Variants in NUCKS1 observed in about 807,000 individuals in gnomAD.
NUCKS1 encodes the protein nuclear ubiquitous casein and cyclin-dependent kinase substrate 1.
NUCKS1 carries 2 observed loss-of-function variants against 33.0 expected under a neutral mutation model. The ratio of observed to expected loss-of-function variants is 0.06; its 90% CI spans 0.02 to 0.19. The LOEUF is 0.19. NUCKS1 is among the 10% of genes least tolerant of loss of function. NUCKS1 has a pLI of 1.00. For missense variants in NUCKS1, 201 were observed against 293.6 expected (o/e 0.68, Z 2.31); for synonymous variants, 106 against 102.8 (o/e 1.03, Z -0.19).
At chr1:205,719,376 C>T (rs1191718039) in intron 6 of NUCKS1, 151 bp downstream of exon 6, 4 of 732,794 alleles carry the variant, frequency 5.5e-6, no homozygotes, top group Non-Finnish European at 6.6e-6. Flanking sequence ...GAGATACTTC[C>T]AGTTGCAGAA....
chr1:205,743,276 A>G (rs1175708225), intron 1 of NUCKS1, among the ~76,000 whole-genome samples: 1 of 152,196 alleles, frequency 6.6e-6, no homozygotes, highest in Non-Finnish European at 1.5e-5. Flanking sequence ...CCAGTGAGAA[A>G]AAGTTTTGAA....
At chr1:205,740,402 T>C (rs989355041) in intron 1 of NUCKS1, among the ~76,000 whole-genome samples, 3 of 152,008 alleles carry the variant, frequency 2.0e-5, no homozygotes, top group Admixed American at 2.0e-4. Context: ...CAGGATTGCT[T>C]GAGTCCCAGG....
intron 3 of NUCKS1, among the ~76,000 whole-genome samples, chr1:205,725,506 T>C (rs2102433982): frequency 1.3e-5 from 2 of 152,340 alleles, no homozygotes; most frequent in Middle Eastern, 3.4e-3. Context: ...GACTGTTCTG[T>C]ATAAATGTTT....
At chr1:205,724,048 TC>T (rs1345562957) in intron 3 of NUCKS1, 67 bp from the exon 4 acceptor site, 1 of 1,126,066 alleles carries the variant, frequency 8.9e-7, no homozygotes, top group Admixed American at 1.7e-5. Flanking sequence ...AACATAGATC[TC>T]TGATTTCTGA....
intron 3 of NUCKS1, 111 bp from the exon 4 acceptor site, chr1:205,724,092 T>A (rs1671964783): frequency 3.6e-6 from 3 of 826,446 alleles, no homozygotes; most frequent in African/African-American, 1.7e-5. Flanking sequence ...CTCTTCTATA[T>A]AAAATCTTCA....
At chr1:205,724,066 A>T (rs1671964384) in intron 3 of NUCKS1, 85 bp from the exon 4 acceptor site, 4 of 990,436 alleles carry the variant, frequency 4.0e-6, no homozygotes, top group Non-Finnish European at 6.5e-6. Context: ...CTGACTTGAG[A>T]AGAAGTGAAA....
chr1:205,742,951 G>C (rs908860010), intron 1 of NUCKS1, among the ~76,000 whole-genome samples: 29 of 152,308 alleles, frequency 1.9e-4, no homozygotes, highest in African/African-American at 5.3e-4. Flanking sequence ...TCTGAATTTA[G>C]AGTAATACGG....
rs752476044 is a variant in NUCKS1 at position 205,717,496 on chromosome 1, C to CT, written c.*783dup. 68,674 of 943,958 alleles carry CT rather than the reference C, an allele frequency of 0.073. 284 individuals carry two copies. The highest frequency in any genetic ancestry group is 0.078 in the Non-Finnish European group (62,962 of 802,814). The allele number at this position is 943,958 out of a possible 1,614,324, so 58.5% of individuals were successfully genotyped here. On this transcript the variant is annotated 3_prime_UTR_variant, in exon 7 of 7. Coordinates refer to ENST00000367142, the MANE Select transcript of NUCKS1 (RefSeq NM_022731.5). ...AAATCAAGAGTTTTGGCAGCCCCTGCTTTTTTTTTTTTTTTAGCTCCCTAA... is the reference window on the plus strand; with the variant it reads ...AAATCAAGAGTTTTGGCAGCCCCTGCTTTTTTTTTTTTTTTTAGCTCCCTAA...
In NUCKS1 at chr1:205,714,351, C is replaced by T. The variant is rs900209901; in HGVS notation, c.*3929G>A. On this transcript the variant is annotated 3_prime_UTR_variant, in exon 7 of 7. Transcript: ENST00000367142. ...CCTGATGTACAAAGTGTATGCACAA[C>T]GGTGGCATTCTACCAGCCACACAAA... is the stretch of plus-strand genomic sequence containing the variant. 3 of 152,100 alleles carry T rather than the reference C, an allele frequency of 2.0e-5. No individual in the cohort carries two copies. Among genetic ancestry groups the T allele is most frequent in the African/African-American group, 4.8e-5 (2 of 41,390 alleles). 9.4% of individuals were successfully genotyped at this position (152,100 alleles called of 1,614,324 possible). A position where few individuals can be genotyped will look rare whatever the true frequency, so the allele number is the denominator to read the frequency against.
chr1:205,725,426 A>AG (rs1311734486), intron 3 of NUCKS1, among the ~76,000 whole-genome samples: 1 of 152,226 alleles, frequency 6.6e-6, no homozygotes, highest in Non-Finnish European at 1.5e-5. Flanking sequence ...TCCTAAGCAA[A>AG]GAGAATGACC....
intron 3 of NUCKS1, among the ~76,000 whole-genome samples, chr1:205,724,473 T>C (rs823108): frequency 0.88 from 133,764 of 152,220 alleles, 59,776 homozygotes; most frequent in Non-Finnish European, 0.97. Context: ...GTAGGCAGAT[T>C]GCTGGAGGCC....
chr1:205,746,444 CTCTCTCT>C (rs1486245447), intron 1 of NUCKS1, among the ~76,000 whole-genome samples: 4 of 46,612 alleles, frequency 8.6e-5, no homozygotes, highest in Non-Finnish European at 2.6e-4. Context: ...ACTTCTCTCT[CTCTCTCT>C]CTCACACACA....
chr1:205,725,420 A>G (rs532137542), intron 3 of NUCKS1, among the ~76,000 whole-genome samples: 27 of 152,232 alleles, frequency 1.8e-4, no homozygotes, highest in Non-Finnish European at 3.2e-4. Context: ...CATGATTCCT[A>G]AGCAAAGAGA....
At chr1:205,735,724 G>T (rs1330010227) in intron 1 of NUCKS1, among the ~76,000 whole-genome samples, 1 of 152,108 alleles carries the variant, frequency 6.6e-6, no homozygotes, top group Non-Finnish European at 1.5e-5. Context: ...TTTGTGCAAG[G>T]TATATAAATA....
chr1:205,744,013 CA>C (rs2102448677), intron 1 of NUCKS1, among the ~76,000 whole-genome samples: 1 of 152,274 alleles, frequency 6.6e-6, no homozygotes, highest in Non-Finnish European at 1.5e-5. Context: ...TTTTTCTCGG[CA>C]AAGGTTCACA....
At chr1:205,722,201 G>A (rs1056874945) in intron 4 of NUCKS1, among the ~76,000 whole-genome samples, 6 of 151,888 alleles carry the variant, frequency 4.0e-5, no homozygotes, top group Non-Finnish European at 7.4e-5. Flanking sequence ...TCATCCTCCC[G>A]AGTAGCTAGG....
chr1:205,717,362 C>T lies in NUCKS1; in HGVS notation c.*918G>A, dbSNP rs1184972907. The T allele has an allele frequency of 2.0e-6, 2 of 986,104 alleles. No homozygotes were observed. The highest frequency in any genetic ancestry group is 3.5e-5 in the African/African-American group (2 of 57,038). 61.1% of individuals were successfully genotyped at this position (986,104 alleles called of 1,614,324 possible). On this transcript the variant is annotated 3_prime_UTR_variant, in exon 7 of 7. Coordinates refer to ENST00000367142, the MANE Select transcript of NUCKS1 (RefSeq NM_022731.5). The stretch of plus-strand genomic sequence containing the variant: ...CAGTTTGAAAAGAAATCCACTGTGA[C>T]CTGTAGACTGATCTTGTTGATTAAA...
At chr1:205,741,369 T>TA (rs1345797783) in intron 1 of NUCKS1, among the ~76,000 whole-genome samples, 1 of 146,126 alleles carries the variant, frequency 6.8e-6, no homozygotes, top group African/African-American at 2.5e-5. Flanking sequence ...GAGCATAAGA[T>TA]AAAGTATTTG....
intron 1 of NUCKS1, among the ~76,000 whole-genome samples, chr1:205,732,552 G>A (rs1210389785): frequency 6.6e-6 from 1 of 152,114 alleles, no homozygotes; most frequent in South Asian, 2.1e-4. Context: ...GGAGGCCAAG[G>A]TGGGCGGATC....
Sources: allele counts gnomAD v4.1 joint callset (sites outside exome capture counted in the v4.1 genomes callset), GRCh38; gene constraint gnomAD v4.1.1; transcripts MANE v1.5; gene names NCBI Gene and HGNC (gene_info 2026-07-23, HGNC 2026-07-21).